ATP8B1: variants seen among roughly 807,000 people sequenced by gnomAD.
ATP8B1 encodes phospholipid-transporting ATPase IC.
Under a neutral mutation model 149.9 loss-of-function variants are expected in ATP8B1, and 80 were observed. The ratio of observed to expected loss-of-function variants is 0.53; its 90% CI spans 0.45 to 0.64. The LOEUF (loss-of-function observed/expected upper bound fraction) is 0.64, where lower values mean the gene tolerates loss of function less well. Among genes scored for constraint, ATP8B1 ranks in the 30% least tolerant of loss-of-function variants. The pLI, the probability that ATP8B1 is intolerant of heterozygous loss-of-function variation, is 0.00. For missense variants in ATP8B1, 1,247 were observed against 1,552.6 expected (o/e 0.80, Z 3.31); for synonymous variants, 536 against 562.8 (o/e 0.95, Z 0.67).
At chr18:57,670,910 C>T (rs1025597957) in intron 17 of ATP8B1, among the ~76,000 whole-genome samples, 4 of 151,762 alleles carry the variant, frequency 2.6e-5, no homozygotes, top group East Asian at 1.9e-4. Context: ...GGTTTCACCA[C>T]GTTGGCCAGG....
rs763288026 is a variant in ATP8B1, at chr18:57,701,068, A to G, written c.525T>C (p.Asn175=). The G allele has an allele frequency of 1.9e-6, 3 of 1,614,156 alleles. No homozygotes were observed. The highest frequency in any genetic ancestry group is 1.3e-5 in the African/African-American group (1 of 75,036). The change falls in exon 6 of 28, where the codon AAT becomes AAC. Residue 175 remains asparagine, a synonymous_variant. Transcript: ENST00000648908. ...ARHKMDKEIN[N]RTCEVIKDGR... is the part of the protein sequence containing the mutation. ...CATCCTTAATGACTTCACACGTCCT[A>G]TTGTTGATTTCCTTATCCATTTTAT...
intron 27 of ATP8B1, 148 bp from the exon 28 acceptor site, chr18:57,648,860 G>GTT (rs1399111047): frequency 1.8e-6 from 1 of 553,192 alleles, no homozygotes; most frequent in Non-Finnish European, 3.1e-6. Context: ...ACTTGTGTGT[G>GTT]TGTGTGTGTG....
At chr18:57,743,577 G>A (rs760575918) in intron 1 of ATP8B1, among the ~76,000 whole-genome samples, 28 of 152,124 alleles carry the variant, frequency 1.8e-4, no homozygotes, top group Non-Finnish European at 3.2e-4. Context: ...ACAGAGGTGA[G>A]CAAGAACTTG....
chr18:57,691,489 C>T (rs2122868698), intron 12 of ATP8B1, among the ~76,000 whole-genome samples: 1 of 152,304 alleles, frequency 6.6e-6, no homozygotes, highest in East Asian at 1.9e-4. Flanking sequence ...CTCCCAGTCC[C>T]TTTCTGAAGT....
intron 1 of ATP8B1, among the ~76,000 whole-genome samples, chr18:57,779,151 C>G (rs1367578094): frequency 6.6e-6 from 1 of 151,942 alleles, no homozygotes; most frequent in Admixed American, 6.6e-5. Flanking sequence ...AGCAAAACCC[C>G]ATCTCTACAA....
rs372736754 is a variant in ATP8B1 at position 57,731,609 on chromosome 18, G to C, written c.181+18C>G. 2.5e-6 allele frequency: 4 copies of C among 1,613,386 alleles called. No homozygotes were observed. The highest frequency in any genetic ancestry group is 2.5e-6 in the Non-Finnish European group (3 of 1,179,700). ...AGGATTTATAAGCGACCTAGTCACC[G>C]GGACTTCATGTGGTTACCTTTTCTG... On this transcript the variant is annotated intron_variant, in intron 2 of 27. Transcript: ENST00000648908.
intron 1 of ATP8B1, among the ~76,000 whole-genome samples, chr18:57,736,176 G>A (rs1193494153): frequency 6.6e-6 from 1 of 152,078 alleles, no homozygotes; most frequent in Non-Finnish European, 1.5e-5. Context: ...TGGCTGCAGG[G>A]ATTATTTGTT....
chr18:57,649,727 T>C lies in ATP8B1; in HGVS notation c.3531+640A>G, dbSNP rs912784360. ...CCTGAGGGCACTGTACTGGGGCCCT[T>C]GGGTGAGAAGTTCCACGGCCCCTAA... On this transcript the variant is annotated intron_variant, in intron 27 of 27. Transcript: ENST00000648908. Among the ~76,000 whole-genome samples, 28 of 152,072 alleles carry C rather than the reference T, an allele frequency of 1.8e-4. 1 individual carries two copies. Among genetic ancestry groups the C allele is most frequent in the Admixed American group, 4.6e-4 (7 of 15,258 alleles).
In ATP8B1 at chr18:57,675,173, A is replaced by G. The variant is rs568673328; in HGVS notation, c.1631-151T>C. 700 of 731,572 alleles carry G rather than the reference A, an allele frequency of 9.6e-4. 1 individual carries two copies. The highest frequency in any genetic ancestry group is 1.5e-3 in the Non-Finnish European group (648 of 445,978). The allele number at this position is 731,572 out of a possible 1,614,324, so 45.3% of individuals were successfully genotyped here. A position where few individuals can be genotyped will look rare whatever the true frequency, so the allele number is the denominator to read the frequency against. ...AACGAGTCATTGACTTGGAAGGGTT[A>G]TGCCAAGATTAAAACTTCTTTGTTT... On this transcript the variant is annotated intron_variant, in intron 15 of 27. Transcript: ENST00000648908.
At chr18:57,766,033 AT>A (rs1207035426) in intron 1 of ATP8B1, among the ~76,000 whole-genome samples, 15 of 151,250 alleles carry the variant, frequency 9.9e-5, no homozygotes, top group African/African-American at 1.7e-4. Context: ...TATCACAATA[AT>A]TTTTTTTTCT....
At chr18:57,681,331 C>T (rs1316989404) in intron 15 of ATP8B1, among the ~76,000 whole-genome samples, 1 of 152,086 alleles carries the variant, frequency 6.6e-6, no homozygotes, top group Non-Finnish European at 1.5e-5. Flanking sequence ...CACACGTGAA[C>T]GTGGAAAAAG....
Position 57,661,279 on chromosome 18 carries a change from C to T in ATP8B1, c.2602G>A (p.Val868Ile), listed in dbSNP as rs750735500. The part of the protein sequence containing the change: ...CECSAVICCR[V>I]TPKQKAMVVD... ...ACCATGGCCTTCTGCTTGGGGGTGA[C>T]GCGGCAGCAGATGACTGCGCTGCAC... Residue 868 changes from valine to isoleucine, a missense_variant, in exon 22 of 28, where the codon GTC becomes ATC. Physicochemically the swap from Val to Ile is conservative, Grantham distance 29. Transcript: ENST00000648908. 4.0e-5 allele frequency: 65 copies of T among 1,613,790 alleles called. No individual in the cohort carries two copies. Among genetic ancestry groups the T allele is most frequent in the Non-Finnish European group, 4.4e-5 (52 of 1,180,004 alleles).
chr18:57,756,059 A>T (rs11659232), intron 1 of ATP8B1, among the ~76,000 whole-genome samples: 76,168 of 150,734 alleles, frequency 0.51, 20,081 homozygotes, highest in South Asian at 0.6. Flanking sequence ...ATTCACAGTT[A>T]TCTAATAGTC....
intron 1 of ATP8B1, among the ~76,000 whole-genome samples, chr18:57,791,351 C>CTT (rs570282416): frequency 0.02 from 1,611 of 82,278 alleles, 66 homozygotes; most frequent in African/African-American, 0.059. Context: ...CTTTTCTTTT[C>CTT]TTTTTTTTTT....
intron 1 of ATP8B1, among the ~76,000 whole-genome samples, chr18:57,768,184 G>A (rs1417513637): frequency 4.6e-5 from 7 of 152,058 alleles, no homozygotes; most frequent in Middle Eastern, 6.8e-3. Context: ...TCAGGAGTTC[G>A]AGACCAGCCT....
chr18:57,694,492 G>A, intron 11 of ATP8B1, 90 bp downstream of exon 11: 2 of 912,584 alleles, frequency 2.2e-6, no homozygotes, highest in Non-Finnish European at 1.7e-6. Context: ...ACCTAAAGAG[G>A]TAAGATTTTG....
intron 4 of ATP8B1, among the ~76,000 whole-genome samples, chr18:57,704,213 C>T (rs947299034): frequency 7.9e-5 from 12 of 152,280 alleles, no homozygotes; most frequent in Admixed American, 7.8e-4. Flanking sequence ...GGTGATCCAC[C>T]CGCCTCGGCC....
At chr18:57,697,030 G>A (rs1039332850) in intron 8 of ATP8B1, among the ~76,000 whole-genome samples, 19 of 152,166 alleles carry the variant, frequency 1.2e-4, no homozygotes, top group African/African-American at 4.1e-4. Flanking sequence ...GCAGGCCAAG[G>A]TGGGCAGATC....
At chr18:57,669,183 C>T in intron 18 of ATP8B1, 135 bp downstream of exon 18, 1 of 929,770 alleles carries the variant, frequency 1.1e-6, no homozygotes. Flanking sequence ...AAATAACCTT[C>T]TTCCATTGTG....
Sources: allele counts gnomAD v4.1 joint callset (sites outside exome capture counted in the v4.1 genomes callset), GRCh38; gene constraint gnomAD v4.1.1; transcripts MANE v1.5; gene names NCBI Gene and HGNC (gene_info 2026-07-23, HGNC 2026-07-21).